Variants in PCNX2 observed in about 807,000 individuals in gnomAD.
PCNX2 encodes the protein pecanex 2.
A neutral mutation model predicts 223.8 loss-of-function variants in PCNX2; 168 were observed. The observed-to-expected ratio is 0.75, with a 90% CI of 0.66 to 0.85. The LOEUF (loss-of-function observed/expected upper bound fraction) is 0.85, where lower values mean the gene tolerates loss of function less well. Ranked by LOEUF, PCNX2 falls within the 40% of genes least tolerant of loss-of-function variation. PCNX2 has a pLI of 0.00. For synonymous variants in PCNX2, 1,006 were observed against 1,052.6 expected, an observed-to-expected ratio of 0.96 and a Z score of 0.86; for missense variants, 2,507 against 2,675.5, an observed-to-expected ratio of 0.94 and a Z score of 1.39.
At chr1:233,210,681 G>A (rs988916609) in intron 12 of PCNX2, 31 of 980,676 alleles carry the variant, frequency 3.2e-5, no homozygotes, top group Non-Finnish European at 3.5e-5. Flanking sequence ...ATCTCCTAAG[G>A]ACTGATTTTT....
chr1:233,072,749 T>C lies in PCNX2; in HGVS notation c.4077-15459A>G, dbSNP rs118085599. 4.6e-4 allele frequency among the ~76,000 whole-genome samples: 70 copies of C among 152,336 alleles called. No homozygotes were observed. In the East Asian group the frequency reaches 0.013, roughly 27 times the overall value. The stretch of plus-strand genomic sequence containing the variant: ...CTAGCATTCTCATCTGGTCACAGTG[T>C]ATAATCCTAATAAGGTGTTGAATTT... On this transcript the variant is annotated intron_variant, in intron 23 of 33. Coordinates refer to ENST00000258229, the MANE Select transcript of PCNX2 (RefSeq NM_014801.4).
intron 15 of PCNX2, among the ~76,000 whole-genome samples, chr1:233,179,959 G>C (rs1466253936): frequency 6.6e-6 from 1 of 152,242 alleles, no homozygotes; most frequent in Non-Finnish European, 1.5e-5. Flanking sequence ...GTGAGGTCCA[G>C]CTCCAGCCAA....
chr1:233,161,461 A>T, intron 17 of PCNX2, 98 bp from the exon 18 acceptor site: 1 of 1,047,482 alleles, frequency 9.5e-7, no homozygotes, highest in Non-Finnish European at 1.4e-6. Flanking sequence ...ACCCAAGATA[A>T]ACTGTTTTTC....
chr1:233,058,543 T>C (rs539682681), intron 23 of PCNX2: 5 of 152,146 alleles, frequency 3.3e-5, no homozygotes, highest in Non-Finnish European at 5.9e-5. Context: ...CTTCCACAAA[T>C]ATATCAGCAT....
intron 23 of PCNX2, among the ~76,000 whole-genome samples, chr1:233,068,044 C>T (rs548113684): frequency 6.6e-6 from 1 of 151,874 alleles, no homozygotes; most frequent in East Asian, 1.9e-4. Context: ...AAAATATAAA[C>T]ACAAAAAAAA....
At chr1:233,089,775 G>T in intron 23 of PCNX2, 1 of 827,732 alleles carries the variant, frequency 1.2e-6, no homozygotes, top group Non-Finnish European at 1.6e-6. Context: ...CCTTCCCCTA[G>T]GTCACCTACG....
At chr1:233,292,181 T>C (rs1230426440) in intron 1 of PCNX2, among the ~76,000 whole-genome samples, 2 of 150,994 alleles carry the variant, frequency 1.3e-5, no homozygotes, top group Non-Finnish European at 1.5e-5. Flanking sequence ...CTTTCAATAG[T>C]GAAACTTTCT....
intron 21 of PCNX2, among the ~76,000 whole-genome samples, chr1:233,117,920 G>A (rs1388069195): frequency 1.3e-5 from 2 of 148,722 alleles, no homozygotes; most frequent in Non-Finnish European, 3.0e-5. Flanking sequence ...TGAGGCAGGA[G>A]AATGGCGTGA....
chr1:233,204,020 G>A (rs1572070916), intron 13 of PCNX2, among the ~76,000 whole-genome samples: 1 of 152,172 alleles, frequency 6.6e-6, no homozygotes, highest in Non-Finnish European at 1.5e-5. Flanking sequence ...CCTCGTTATA[G>A]GTTGAATTAT....
rs557798506 is a variant in PCNX2 at position 233,213,412 on chromosome 1, TAATG to T, written c.2691+4483_2691+4486del. On this transcript the variant is annotated intron_variant, in intron 12 of 33. Transcript: ENST00000258229. Reference sequence around the variant, plus strand: ...CTGAATAAAATGTGGACTTCAATAATAATGTATCAGTATTGGTCCATTAATTGCA... The same window carrying T: ...CTGAATAAAATGTGGACTTCAATAATTATCAGTATTGGTCCATTAATTGCA... Among the ~76,000 whole-genome samples the T allele has an allele frequency of 4.1e-3, 619 of 152,306 alleles. 3 individuals are homozygous for T. Among genetic ancestry groups the T allele is most frequent in the Non-Finnish European group, 6.5e-3 (441 of 68,018 alleles).
chr1:233,258,275 C>T lies in PCNX2; in HGVS notation c.1587G>A (p.Arg529=). 1 of 1,613,990 alleles carries T rather than the reference C, an allele frequency of 6.2e-7. No homozygotes were observed. Among genetic ancestry groups the T allele is most frequent in the Non-Finnish European group, 8.5e-7 (1 of 1,179,886 alleles). ...CTGTCCCACTGTCCACACTGAGCAC[C>T]CGGGCATGCCTCTTTTCATGGCTGG... The part of the protein sequence containing the change: ...CKSSHEKRHA[R]VLSVDSGTDV... The change falls in exon 5 of 34, where the codon CGG becomes CGA. Residue 529 remains arginine (R), a synonymous_variant. Coordinates refer to ENST00000258229, the MANE Select transcript of PCNX2 (RefSeq NM_014801.4).
Position 233,224,606 on chromosome 1 carries a change from T to C in PCNX2, c.2504+2620A>G, listed in dbSNP as rs539641091. On this transcript the variant is annotated intron_variant, in intron 10 of 33. Coordinates refer to ENST00000258229, the MANE Select transcript of PCNX2 (RefSeq NM_014801.4). The stretch of plus-strand genomic sequence containing the variant: ...CCCCAATGATTCCGACCCACAGCCC[T>C]GTTTGGGGATTATGCTCTCCTTGCA... Among the ~76,000 whole-genome samples the C allele has an allele frequency of 1.7e-3, 259 of 152,310 alleles. 1 individual carries two copies. Among genetic ancestry groups the C allele is most frequent in the African/African-American group, 6.0e-3 (249 of 41,578 alleles).
chr1:233,001,940 T>C lies in PCNX2; in HGVS notation c.4953-259A>G, dbSNP rs189238691. On this transcript the variant is annotated intron_variant, in intron 28 of 33. Transcript: ENST00000258229. The surrounding 1 kb of genome is among the most constrained non-coding windows in gnomAD (Gnocchi z 4.2). ...GCCACCAAAGTACTTAATCACTGGA[T>C]GTGACACTAGGATTCCAGGTCAGAA... is the stretch of plus-strand genomic sequence containing the variant. 6.6e-6 allele frequency among the ~76,000 whole-genome samples: 1 copy of C among 152,316 alleles called. No homozygotes were observed. Among genetic ancestry groups the C allele is most frequent in the East Asian group, 1.9e-4 (1 of 5,188 alleles).
chr1:233,136,622 G>C (rs990941639), intron 20 of PCNX2, among the ~76,000 whole-genome samples: 2 of 152,092 alleles, frequency 1.3e-5, no homozygotes, highest in African/African-American at 2.4e-5. Flanking sequence ...TCAACCTAGA[G>C]CCCCCTGTGT....
chr1:233,244,353 A>G (rs1156929842), intron 8 of PCNX2, among the ~76,000 whole-genome samples: 1 of 152,214 alleles, frequency 6.6e-6, no homozygotes, highest in East Asian at 1.9e-4. Context: ...TCTCAGTGTC[A>G]GATTTTCCTC....
At chr1:232,988,528 G>C (rs894133782) in intron 32 of PCNX2, among the ~76,000 whole-genome samples, 7 of 151,728 alleles carry the variant, frequency 4.6e-5, no homozygotes, top group African/African-American at 1.5e-4. Context: ...AACTTATTTT[G>C]CAAATAACTC....
intron 23 of PCNX2, among the ~76,000 whole-genome samples, chr1:233,077,345 G>A (rs1326455285): frequency 6.6e-6 from 1 of 152,112 alleles, no homozygotes; most frequent in Non-Finnish European, 1.5e-5. Flanking sequence ...GACAAAATTT[G>A]ACAGAAAATG....
At position 233,221,438 on chromosome 1, in the gene PCNX2, A is replaced by G. The variant is rs113508414; in HGVS notation, c.2505-3254T>C. Among the ~76,000 whole-genome samples the G allele has an allele frequency of 1.3e-3, 204 of 152,232 alleles. 1 individual carries two copies. Among genetic ancestry groups the G allele is most frequent in the African/African-American group, 4.2e-3 (176 of 41,532 alleles). On this transcript the variant is annotated intron_variant, in intron 10 of 33. Transcript: ENST00000258229. ...GGGCAAAGAATAAGGTTCCTAAAAC[A>G]TATTTTTCCTCCAAATTCTCCTCTG...
chr1:233,269,812 T>C (rs1660551874), intron 1 of PCNX2, among the ~76,000 whole-genome samples: 1 of 152,148 alleles, frequency 6.6e-6, no homozygotes, highest in South Asian at 2.1e-4. Context: ...GAGCATTTCC[T>C]CTGGCTGTGG....
Sources: gnomAD v4.1 joint callset for allele counts (sites outside exome capture counted in the v4.1 genomes callset) on GRCh38, gnomAD v4.1.1 for gene constraint, Gnocchi (gnomAD v3.1) non-coding constraint, MANE v1.5 for transcripts, NCBI Gene and HGNC (gene_info 2026-07-23, HGNC 2026-07-21) for gene names.